The following COG6 variants were observed in gnomAD, a reference collection of about 807,000 sequenced individuals.
COG6 encodes conserved oligomeric Golgi complex subunit 6.
Under a neutral mutation model 88.8 loss-of-function variants are expected in COG6, and 74 were observed. The ratio of observed to expected loss-of-function variants is 0.83; its 90% CI spans 0.69 to 1.01. The LOEUF is 1.01. Ranked by LOEUF, COG6 falls within the 50% of genes least tolerant of loss-of-function variation. COG6 has a pLI of 0.00. For synonymous variants in COG6, 286 were observed against 278.7 expected, an observed-to-expected ratio of 1.03 and a Z score of -0.26; for missense variants, 800 against 797.9, an observed-to-expected ratio of 1.00 and a Z score of -0.03.
intron 18 of COG6, among the ~76,000 whole-genome samples, chr13:39,744,685 A>G (rs1375551672): frequency 6.6e-6 from 1 of 152,136 alleles, no homozygotes; most frequent in African/African-American, 2.4e-5. Flanking sequence ...ACTACCCAAG[A>G]TAATTTGGAG....
At chr13:39,682,420 G>C in intron 8 of COG6, 156 bp downstream of exon 8, 1 of 602,862 alleles carries the variant, frequency 1.7e-6, no homozygotes, top group Non-Finnish European at 3.0e-6. Flanking sequence ...TTGTTTCATG[G>C]GGTATCAGCT....
At chr13:39,669,820 T>G (rs2137966357) in intron 4 of COG6, among the ~76,000 whole-genome samples, 1 of 152,314 alleles carries the variant, frequency 6.6e-6, no homozygotes. Context: ...AGTGAAAATT[T>G]ATGACATTCT....
At chr13:39,756,874 G>A (rs1880852588), downstream of COG6, among the ~76,000 whole-genome samples, 1 of 152,036 alleles carries the variant, frequency 6.6e-6, no homozygotes, top group South Asian at 2.1e-4. Context: ...CTAAGTGATT[G>A]CTCAACGGAG....
Position 39,694,622 on chromosome 13 carries a change from A to G in COG6, c.1075-12A>G, listed in dbSNP as rs370228676. 2.6e-6 allele frequency: 4 copies of G among 1,519,376 alleles called. No individual in the cohort carries two copies. Among genetic ancestry groups the G allele is most frequent in the East Asian group, 2.3e-5 (1 of 44,152 alleles). 94.1% of individuals were successfully genotyped at this position (1,519,376 alleles called of 1,614,324 possible). On this transcript the variant is annotated splice_polypyrimidine_tract_variant and intron_variant, in intron 11 of 18. Coordinates refer to ENST00000455146, the MANE Select transcript of COG6 (RefSeq NM_020751.3). ...TAAGAAATGTTTACTTTCCTCTCAC[A>G]TATTTTAATAGGTTCGAATTGAGCA...
intron 18 of COG6, among the ~76,000 whole-genome samples, chr13:39,766,626 A>G (rs963549801): frequency 2.6e-5 from 4 of 152,112 alleles, no homozygotes; most frequent in African/African-American, 4.8e-5. Flanking sequence ...TTTTATCCAG[A>G]ACTGAGGCTC....
chr13:39,677,236 T>G (rs1285340413), intron 4 of COG6, among the ~76,000 whole-genome samples: 1 of 152,184 alleles, frequency 6.6e-6, no homozygotes, highest in Non-Finnish European at 1.5e-5. Flanking sequence ...TGCGTAATGA[T>G]CAACTCCATT....
In COG6 at chr13:39,719,634, G is replaced by A. The variant is rs1252470646; in HGVS notation, c.1417-26G>A. The A allele has an allele frequency of 4.4e-6, 7 of 1,585,186 alleles. No individual in the cohort carries two copies. The Admixed American group carries it at 1.0e-4, about 23-fold the overall frequency. On this transcript the variant is annotated intron_variant, in intron 14 of 18. Transcript: ENST00000455146. ...ACCCTATCAGTGATTGAGAAATAAAGAGTTCATTTTATTTTTCATTTGTAG... is the reference window on the plus strand; with the variant it reads ...ACCCTATCAGTGATTGAGAAATAAAAAGTTCATTTTATTTTTCATTTGTAG...
intron 1 of COG6, 132 bp from the exon 2 acceptor site, chr13:39,659,232 G>A (rs764976535): frequency 8.8e-6 from 7 of 796,836 alleles, no homozygotes; most frequent in Non-Finnish European, 1.0e-5. Context: ...GTAATTTGAA[G>A]GTCATTCAAT....
intron 7 of COG6, among the ~76,000 whole-genome samples, chr13:39,680,432 A>G (rs1342383677): frequency 6.6e-6 from 1 of 152,224 alleles, no homozygotes; most frequent in East Asian, 1.9e-4. Flanking sequence ...TGTAAGTGGT[A>G]AACTGATTTT....
intron 18 of COG6, chr13:39,785,589 A>G (rs949570704): frequency 7.2e-5 from 11 of 152,182 alleles, no homozygotes; most frequent in African/African-American, 2.2e-4. Flanking sequence ...CACACAATTC[A>G]TCCTTTAAAT....
intron 13 of COG6, among the ~76,000 whole-genome samples, chr13:39,717,147 A>G (rs769500147): frequency 8.0e-4 from 122 of 152,304 alleles, no homozygotes; most frequent in Middle Eastern, 6.8e-3. Flanking sequence ...GTCATCCAAT[A>G]TGCAGACTTC....
chr13:39,719,194 TGGAAAAA>T, intron 13 of COG6, 35 bp from the exon 14 acceptor site: 1 of 1,601,372 alleles, frequency 6.2e-7, no homozygotes, highest in Non-Finnish European at 8.5e-7. Context: ...TAAAATTTAG[TGGAAAAA>T]ATATAAGGAG....
chr13:39,666,865 T>C (rs1268860250), intron 4 of COG6, among the ~76,000 whole-genome samples: 1 of 152,196 alleles, frequency 6.6e-6, no homozygotes, highest in Non-Finnish European at 1.5e-5. Context: ...ATCTAAAAAA[T>C]ACTATCTTTA....
chr13:39,788,198 C>A, intron 18 of COG6: 1 of 882,284 alleles, frequency 1.1e-6, no homozygotes, highest in Non-Finnish European at 1.9e-6. Flanking sequence ...CGTACTCCAC[C>A]ACATGGTAAT....
intron 18 of COG6, among the ~76,000 whole-genome samples, chr13:39,731,010 T>TG (rs1266002621): frequency 6.6e-6 from 1 of 151,304 alleles, no homozygotes; most frequent in Admixed American, 6.6e-5. Flanking sequence ...TTAGTAGAGA[T>TG]GGGGGCCTCA....
At chr13:39,713,206 T>C (rs1022454723) in intron 13 of COG6, among the ~76,000 whole-genome samples, 2 of 152,200 alleles carry the variant, frequency 1.3e-5, no homozygotes, top group Non-Finnish European at 2.9e-5. Flanking sequence ...TTAAAGCTTA[T>C]AGGAATTTCT....
At chr13:39,745,630 A>T (rs1487132829) in intron 18 of COG6, among the ~76,000 whole-genome samples, 2 of 152,198 alleles carry the variant, frequency 1.3e-5, no homozygotes, top group African/African-American at 4.8e-5. Flanking sequence ...ATGCTTTTTC[A>T]CTGTTGGTGG....
intron 13 of COG6, among the ~76,000 whole-genome samples, chr13:39,706,278 TTTAAATATATATAG>T (rs1877917796): frequency 7.2e-6 from 1 of 139,644 alleles, no homozygotes; most frequent in Non-Finnish European, 1.6e-5. Flanking sequence ...TATATATATA[TTTAAATATATATAG>T]AGAGAGAATG....
rs533356507 is a variant in COG6, at chr13:39,662,730, A to G, written c.369+1849A>G. ...TTGTTTACATTTGTTTTTGATCCAC[A>G]TATCATTTTTAATAGTAGGAGGTCC... On this transcript the variant is annotated intron_variant, in intron 3 of 18. Coordinates refer to ENST00000455146, the MANE Select transcript of COG6 (RefSeq NM_020751.3). 6.8e-4 allele frequency among the ~76,000 whole-genome samples: 103 copies of G among 152,262 alleles called. 1 individual carries two copies. The highest frequency in any genetic ancestry group is 2.5e-3 in the African/African-American group (102 of 41,558).
Sources: gnomAD v4.1 joint callset for allele counts (sites outside exome capture counted in the v4.1 genomes callset) on GRCh38, gnomAD v4.1.1 for gene constraint, MANE v1.5 for transcripts, NCBI Gene and HGNC (gene_info 2026-07-23, HGNC 2026-07-21) for gene names.